PACRG: variants seen among roughly 807,000 people sequenced by gnomAD.
PACRG encodes parkin coregulated.
Under a neutral mutation model 29.7 loss-of-function variants are expected in PACRG, and 29 were observed. That is an observed-to-expected ratio of 0.98 (90% CI 0.73 to 1.33). The LOEUF (loss-of-function observed/expected upper bound fraction) is 1.33, where lower values mean the gene tolerates loss of function less well. Among genes scored for constraint, PACRG ranks in the 40% most tolerant of loss-of-function variants. PACRG has a pLI of 0.00. For missense variants in PACRG, 279 were observed against 316.2 expected, an observed-to-expected ratio of 0.88 and a Z score of 0.89; for synonymous variants, 116 against 118.7, an observed-to-expected ratio of 0.98 and a Z score of 0.15.
At chr6:162,987,808 A>G (rs941242299) in intron 2 of PACRG, among the ~76,000 whole-genome samples, 1 of 152,180 alleles carries the variant, frequency 6.6e-6, no homozygotes, top group African/African-American at 2.4e-5. Context: ...GTTTGTAGAT[A>G]TGTTTATTGT....
intron 4 of PACRG, among the ~76,000 whole-genome samples, chr6:163,257,774 C>T (rs926711575): frequency 6.6e-6 from 1 of 152,176 alleles, no homozygotes; most frequent in African/African-American, 2.4e-5. Context: ...AGCTAGGACA[C>T]ATGCCTCAAT....
intron 2 of PACRG, among the ~76,000 whole-genome samples, chr6:162,871,440 C>G (rs1562683047): frequency 6.7e-6 from 1 of 149,842 alleles, no homozygotes; most frequent in African/African-American, 2.5e-5. Flanking sequence ...ACTATACAAA[C>G]TATAGCAATA....
At position 162,747,390 on chromosome 6, in the gene PACRG, GTATA is replaced by G. The variant is rs59979611; in HGVS notation, c.156+19007_156+19010del. On this transcript the variant is annotated intron_variant, in intron 1 of 4. Coordinates refer to ENST00000366888, the MANE Select transcript of PACRG (RefSeq NM_001080379.2). Reference sequence around the variant, plus strand: ...CACATACATATATATGTATATATATGTATATATATATGTATATATATATATAACT... The same window carrying G: ...CACATACATATATATGTATATATATGTATATATGTATATATATATATAACT... Among the ~76,000 whole-genome samples the G allele has an allele frequency of 1.1e-4, 5 of 44,260 alleles. 1 individual carries two copies. Among genetic ancestry groups the G allele is most frequent in the Non-Finnish European group, 2.2e-4 (5 of 23,118 alleles). 29.0% of individuals were successfully genotyped at this position (44,260 alleles called of 152,430 possible).
At chr6:162,917,910 A>G (rs902854784) in intron 2 of PACRG, among the ~76,000 whole-genome samples, 2 of 152,148 alleles carry the variant, frequency 1.3e-5, no homozygotes, top group Non-Finnish European at 2.9e-5. Flanking sequence ...CATTCTTGTC[A>G]TTTTTAGACT....
intron 2 of PACRG, among the ~76,000 whole-genome samples, chr6:162,880,078 G>A (rs945654187): frequency 6.6e-6 from 1 of 152,144 alleles, no homozygotes; most frequent in African/African-American, 2.4e-5. Context: ...CATGTAAATG[G>A]GGGTCCTCCA....
intron 2 of PACRG, among the ~76,000 whole-genome samples, chr6:162,978,475 CACACACAT>C (rs1047093977): frequency 9.0e-6 from 1 of 111,692 alleles, no homozygotes; most frequent in African/African-American, 2.9e-5. Flanking sequence ...GTCTCTCTCA[CACACACAT>C]ACACACACAC....
chr6:162,770,376 A>C (rs1384864774), intron 1 of PACRG, among the ~76,000 whole-genome samples: 2 of 152,170 alleles, frequency 1.3e-5, no homozygotes, highest in African/African-American at 4.8e-5. Context: ...CATCCATTGT[A>C]GCTGGTGATA....
intron 4 of PACRG, among the ~76,000 whole-genome samples, chr6:163,277,132 G>C (rs1361354700): frequency 2.6e-5 from 4 of 151,354 alleles, no homozygotes; most frequent in Admixed American, 2.6e-4. Context: ...AATAGTTTTT[G>C]GGGAACAGGT....
chr6:163,193,468 A>G (rs1018617812), intron 4 of PACRG, among the ~76,000 whole-genome samples: 1 of 152,162 alleles, frequency 6.6e-6, no homozygotes, highest in Non-Finnish European at 1.5e-5. Context: ...AAGTGTGGAA[A>G]ACTATCAACA....
At chr6:163,232,706 C>T (rs1009446382) in intron 4 of PACRG, among the ~76,000 whole-genome samples, 2 of 152,164 alleles carry the variant, frequency 1.3e-5, no homozygotes, top group African/African-American at 2.4e-5. Context: ...TGTTCAGGAA[C>T]AGCAGGCAAT....
At chr6:162,779,208 C>T (rs1050368955) in intron 1 of PACRG, among the ~76,000 whole-genome samples, 3 of 152,218 alleles carry the variant, frequency 2.0e-5, no homozygotes, top group Admixed American at 6.5e-5. Flanking sequence ...AAAGGACATA[C>T]TCTCATTCCT....
At chr6:163,307,715 C>G (rs77038975) in intron 4 of PACRG, among the ~76,000 whole-genome samples, 1 of 152,068 alleles carries the variant, frequency 6.6e-6, no homozygotes, top group African/African-American at 2.4e-5. Context: ...AAGTTGAGTC[C>G]CCTCAAAGTT....
chr6:163,122,011 T>C (rs918111066), intron 4 of PACRG, among the ~76,000 whole-genome samples: 1 of 152,090 alleles, frequency 6.6e-6, no homozygotes, highest in Non-Finnish European at 1.5e-5. Flanking sequence ...TGCTATTCTA[T>C]ACATGCGGAG....
At chr6:162,753,177 C>A (rs969250831) in intron 1 of PACRG, among the ~76,000 whole-genome samples, 1 of 152,050 alleles carries the variant, frequency 6.6e-6, no homozygotes. Context: ...TCCTGCTGTG[C>A]AGTAGATCTC....
chr6:162,803,143 T>C (rs1296982092), intron 1 of PACRG, among the ~76,000 whole-genome samples: 1 of 152,092 alleles, frequency 6.6e-6, no homozygotes, highest in Non-Finnish European at 1.5e-5. Context: ...CACTTCACAG[T>C]AGGGATGTGG....
At chr6:162,849,526 C>G (rs1790687893) in intron 2 of PACRG, among the ~76,000 whole-genome samples, 2 of 152,198 alleles carry the variant, frequency 1.3e-5, no homozygotes, top group Admixed American at 1.3e-4. Context: ...AAATGATAAC[C>G]AGCTGATATG....
chr6:162,800,935 C>CT, intron 1 of PACRG, among the ~76,000 whole-genome samples: 1 of 152,230 alleles, frequency 6.6e-6, no homozygotes, highest in South Asian at 2.1e-4. Context: ...GAGGCTGAGG[C>CT]TGCAAGGGTC....
At chr6:163,212,660 T>C (rs1781195983) in intron 4 of PACRG, among the ~76,000 whole-genome samples, 2 of 152,030 alleles carry the variant, frequency 1.3e-5, no homozygotes, top group African/African-American at 4.8e-5. Flanking sequence ...TTAATATAAA[T>C]GAATAAATGA....
At chr6:162,852,020 G>GAAGGAAAGGAAGGAAGGAAGGAAGGA (rs1554291976) in intron 2 of PACRG, among the ~76,000 whole-genome samples, 1 of 136,318 alleles carries the variant, frequency 7.3e-6, no homozygotes, top group African/African-American at 3.2e-5. Flanking sequence ...AGGAAGGAAG[G>GAAGGAAAGGAAGGAAGGAAGGAAGGA]AAGGAAGGAA....
Sources: gnomAD v4.1 joint callset for allele counts (sites outside exome capture counted in the v4.1 genomes callset) on GRCh38, gnomAD v4.1.1 for gene constraint, MANE v1.5 for transcripts, NCBI Gene and HGNC (gene_info 2026-07-23, HGNC 2026-07-21) for gene names.